Variants in PPARGC1A observed in about 807,000 individuals in gnomAD.
The protein encoded by PPARGC1A is PPARG coactivator 1 alpha.
In PPARGC1A, 25 loss-of-function variants were observed where a neutral mutation model predicts 88.7. That is an observed-to-expected ratio of 0.28 (90% confidence interval 0.21 to 0.39). The LOEUF (loss-of-function observed/expected upper bound fraction) is 0.39. Ranked by LOEUF, PPARGC1A falls within the 10% of genes least tolerant of loss-of-function variation. The pLI, the probability that PPARGC1A is intolerant of heterozygous loss-of-function variation, is 1.00. For synonymous variants in PPARGC1A, 363 were observed against 355.6 expected (o/e 1.02, Z -0.24); for missense variants, 880 against 968.7 (o/e 0.91, Z 1.22).
At chr4:24,394,646 A>C in the PPARGC1A span, among the ~76,000 whole-genome samples, 1 of 152,240 alleles carries the variant, frequency 6.6e-6, no homozygotes, top group East Asian at 1.9e-4. Context: ...CCACGCTTGC[A>C]CGCTGTATGT....
At chr4:24,265,659 T>C in the PPARGC1A span, among the ~76,000 whole-genome samples, 47,826 of 152,066 alleles carry the variant, frequency 0.31, 8,390 homozygotes, top group Non-Finnish European at 0.39. Flanking sequence ...TGCTTACTTG[T>C]ACATGAAGAT....
the PPARGC1A span, among the ~76,000 whole-genome samples, chr4:24,194,504 G>A: frequency 4.6e-5 from 7 of 152,026 alleles, no homozygotes; most frequent in South Asian, 2.1e-4. Context: ...TAAATCACTC[G>A]CACTAAGTAT....
chr4:24,310,172 AAG>A, the PPARGC1A span, among the ~76,000 whole-genome samples: 1 of 152,192 alleles, frequency 6.6e-6, no homozygotes, highest in African/African-American at 2.4e-5. Flanking sequence ...CGTGGAGCTC[AAG>A]AGAGTGTTCC....
At chr4:24,117,752 G>A in the PPARGC1A span, among the ~76,000 whole-genome samples, 22 of 151,950 alleles carry the variant, frequency 1.4e-4, no homozygotes, top group Non-Finnish European at 3.1e-4. Context: ...ACAGAAAAAA[G>A]ACATAATTGC....
At chr4:24,289,219 CAAAAAAAAA>C in the PPARGC1A span, among the ~76,000 whole-genome samples, 1 of 82,774 alleles carries the variant, frequency 1.2e-5, no homozygotes. Flanking sequence ...GACTCCGTCT[CAAAAAAAAA>C]AAAAAAAAAA....
At chr4:23,995,930 G>A in the PPARGC1A span, among the ~76,000 whole-genome samples, 1 of 152,144 alleles carries the variant, frequency 6.6e-6, no homozygotes, top group South Asian at 2.1e-4. Context: ...AGAAGAAAAA[G>A]TAAATTCTCA....
At chr4:23,951,263 A>C in the PPARGC1A span, among the ~76,000 whole-genome samples, 3 of 152,148 alleles carry the variant, frequency 2.0e-5, no homozygotes, top group Non-Finnish European at 4.4e-5. Context: ...TAAGAGTTAC[A>C]TGCATGATGA....
the PPARGC1A span, among the ~76,000 whole-genome samples, chr4:23,918,732 C>T: frequency 2.0e-4 from 30 of 152,130 alleles, no homozygotes; most frequent in African/African-American, 7.0e-4. Flanking sequence ...TCTATTCTAA[C>T]TATTTCATGC....
At chr4:24,072,650 A>G in the PPARGC1A span, among the ~76,000 whole-genome samples, 2 of 152,298 alleles carry the variant, frequency 1.3e-5, no homozygotes, top group South Asian at 4.1e-4. Context: ...ACCTCAAAAA[A>G]TCATTTAAAA....
chr4:24,303,273 G>A, the PPARGC1A span, among the ~76,000 whole-genome samples: 1 of 152,198 alleles, frequency 6.6e-6, no homozygotes, highest in Admixed American at 6.5e-5. Flanking sequence ...AAAAATATGA[G>A]TCTAAATGGA....
At chr4:24,211,567 T>C in the PPARGC1A span, among the ~76,000 whole-genome samples, 1 of 152,134 alleles carries the variant, frequency 6.6e-6, no homozygotes, top group Non-Finnish European at 1.5e-5. Context: ...AAAAGGTAAG[T>C]TGGACCCTGA....
chr4:24,350,153 G>T, the PPARGC1A span, among the ~76,000 whole-genome samples: 1 of 152,220 alleles, frequency 6.6e-6, no homozygotes, highest in East Asian at 1.9e-4. Context: ...ATATTTGGGT[G>T]TCTCCCAGGA....
At chr4:24,437,004 G>A in the PPARGC1A span, among the ~76,000 whole-genome samples, 1 of 152,242 alleles carries the variant, frequency 6.6e-6, no homozygotes, top group South Asian at 2.1e-4. Flanking sequence ...GGAACACATG[G>A]GTATTTTCTT....
intron 2 of PPARGC1A, among the ~76,000 whole-genome samples, chr4:23,854,539 C>T (rs1158171042): frequency 6.6e-6 from 1 of 152,116 alleles, no homozygotes; most frequent in Non-Finnish European, 1.5e-5. Flanking sequence ...AGAGGCCATA[C>T]AGTCCAACAG....
the PPARGC1A span, among the ~76,000 whole-genome samples, chr4:23,936,804 A>G: frequency 6.6e-6 from 1 of 152,092 alleles, no homozygotes; most frequent in African/African-American, 2.4e-5. Flanking sequence ...TGGGAGATGG[A>G]GGTTGCAGTG....
At chr4:24,236,252 G>A in the PPARGC1A span, among the ~76,000 whole-genome samples, 3 of 152,224 alleles carry the variant, frequency 2.0e-5, no homozygotes, top group African/African-American at 7.2e-5. Flanking sequence ...TGGGAGGAGT[G>A]AGCAAGCTTT....
At chr4:24,410,066 G>C in the PPARGC1A span, among the ~76,000 whole-genome samples, 1 of 152,178 alleles carries the variant, frequency 6.6e-6, no homozygotes. Flanking sequence ...ACAGCTCTAT[G>C]TAGTGAGTTT....
chr4:23,919,380 G>A, the PPARGC1A span, among the ~76,000 whole-genome samples: 1 of 151,736 alleles, frequency 6.6e-6, no homozygotes, highest in East Asian at 1.9e-4. Context: ...AAAATACATT[G>A]GGCCTCAGTT....
chr4:24,304,659 C>A, the PPARGC1A span, among the ~76,000 whole-genome samples: 43 of 152,250 alleles, frequency 2.8e-4, no homozygotes, highest in African/African-American at 8.2e-4. Flanking sequence ...CAGTGTCTCA[C>A]TTGGATGACC....
Sources: allele counts gnomAD v4.1 joint callset (sites outside exome capture counted in the v4.1 genomes callset), GRCh38; gene constraint gnomAD v4.1.1; transcripts MANE v1.5; gene names NCBI Gene and HGNC (gene_info 2026-07-23, HGNC 2026-07-21).